The following SHPRH variants were observed in gnomAD, a reference collection of about 807,000 sequenced individuals.
SHPRH encodes the protein E3 ubiquitin-protein ligase SHPRH.
Under a neutral mutation model 202.5 loss-of-function variants are expected in SHPRH, and 106 were observed. That is an observed-to-expected ratio of 0.52 (90% CI 0.45 to 0.62). SHPRH has a LOEUF of 0.62. Among genes scored for constraint, SHPRH ranks in the 20% least tolerant of loss-of-function variants. The pLI is 0.00. For missense variants in SHPRH, 1,710 were observed against 2,020.0 expected, an observed-to-expected ratio of 0.85 and a Z score of 2.94; for synonymous variants, 729 against 686.0, an observed-to-expected ratio of 1.06 and a Z score of -0.98.
the SHPRH span, among the ~76,000 whole-genome samples, chr6:145,858,674 T>A: frequency 6.6e-6 from 1 of 152,044 alleles, no homozygotes; most frequent in Non-Finnish European, 1.5e-5. Flanking sequence ...TCAAAACTTA[T>A]CAAATTTAAC....
intron 1 of SHPRH, 118 bp from the exon 2 acceptor site, chr6:145,955,472 T>A: frequency 9.9e-7 from 1 of 1,013,384 alleles, no homozygotes; most frequent in Non-Finnish European, 1.4e-6. Context: ...AAATCTTCTG[T>A]GAGATATAAG....
At position 145,893,408 on chromosome 6, in the gene SHPRH, T is replaced by C. The variant is rs776319033; in HGVS notation, c.4696-15A>G. 2.6e-6 allele frequency: 4 copies of C among 1,565,950 alleles called. No homozygotes were observed. The highest frequency in any genetic ancestry group is 2.0e-5 in the Admixed American group (1 of 48,814). The stretch of plus-strand genomic sequence containing the variant: ...GAAAGGTTCTCCTAAAAAAGAAAGG[T>C]ACATTTTAATTTTAGCTCGATCAGT... On this transcript the variant is annotated splice_polypyrimidine_tract_variant and intron_variant, in intron 27 of 29. Transcript: ENST00000275233.
chr6:145,954,822 C>T lies in SHPRH; in HGVS notation c.501G>A (p.Pro167=), dbSNP rs368187774. 1.9e-5 allele frequency: 30 copies of T among 1,613,658 alleles called. 1 individual carries two copies. In the South Asian group the frequency reaches 2.3e-4, roughly 12 times the overall value. The part of the protein sequence containing the change: ...GEDVEKQKKE[P]MSICDKGILV... Reference sequence around the variant, plus strand: ...GAATACCCTTGTCACAAATACTCATCGGTTCTTTTTTTTGTTTCTCTACAT... The same window carrying T: ...GAATACCCTTGTCACAAATACTCATTGGTTCTTTTTTTTGTTTCTCTACAT... The change falls in exon 2 of 30, where the codon CCG becomes CCA. Residue 167 remains proline (P), a synonymous_variant. Transcript: ENST00000275233.
In SHPRH at chr6:145,947,532, A is replaced by T; in HGVS notation, c.1173T>A (p.Thr391=). 1 of 1,612,946 alleles carries T rather than the reference A, an allele frequency of 6.2e-7. No individual in the cohort carries two copies. Among genetic ancestry groups the T allele is most frequent in the Non-Finnish European group, 8.5e-7 (1 of 1,179,306 alleles). ...VEVLALILTH[T]RQDVKQDALT... ...GAGCATCTTGCTTGACATCTTGTCG[A>T]GTATGTGTCAGAATCAGAGCCAAAA... Residue 391 remains threonine, a synonymous_variant, in exon 6 of 30, where the codon ACT becomes ACA. Coordinates refer to ENST00000275233, the MANE Select transcript of SHPRH (RefSeq NM_001042683.3).
chr6:145,960,728 A>G (rs1001280705), intron 1 of SHPRH, among the ~76,000 whole-genome samples: 1 of 152,220 alleles, frequency 6.6e-6, no homozygotes, highest in African/African-American at 2.4e-5. Context: ...GTACAACAGC[A>G]GTACTAGAAA....
Position 145,943,190 on chromosome 6 carries a change from C to A in SHPRH, c.2191G>T (p.Val731Leu), listed in dbSNP as rs1437091053. The change falls in exon 9 of 30, where the codon GTG becomes TTG. Residue 731 changes from valine (V) to leucine (L), a missense_variant. Transcript: ENST00000275233. ...CTCACATGCCTGTTGATCTCATCCA[C>A]CCACTGGTGACAGATGGAACTTGGA... ...ISPSSICHQW[V>L]DEINRHVRSS... The A allele has an allele frequency of 2.5e-6, 4 of 1,612,848 alleles. No homozygotes were observed. The highest frequency in any genetic ancestry group is 3.4e-6 in the Non-Finnish European group (4 of 1,179,340).
At chr6:145,921,526 C>A (rs1784427148) in intron 20 of SHPRH, 134 bp from the exon 21 acceptor site, 7 of 795,836 alleles carry the variant, frequency 8.8e-6, no homozygotes, top group South Asian at 3.9e-5. Context: ...CTGAAAACAT[C>A]ATAAATTTGG....
chr6:145,876,375 T>TA (rs1053436546), intron 2 of SHPRH, among the ~76,000 whole-genome samples: 1 of 151,938 alleles, frequency 6.6e-6, no homozygotes, highest in Non-Finnish European at 1.5e-5. Flanking sequence ...ACCCATCCTC[T>TA]AAAAAAAATA....
chr6:145,923,632 T>G lies in SHPRH; in HGVS notation c.3545+11A>C, dbSNP rs887584954. 3 of 1,609,634 alleles carry G rather than the reference T, an allele frequency of 1.9e-6. No homozygotes were observed. The highest frequency in any genetic ancestry group is 2.5e-6 in the Non-Finnish European group (3 of 1,177,838). On this transcript the variant is annotated intron_variant, in intron 18 of 29. Transcript: ENST00000275233. ...ATTATGAGTAGATACTTTTTCTTCCTGTTTTCTTACTTCTCTGACATAGAA... is the reference window on the plus strand; with the variant it reads ...ATTATGAGTAGATACTTTTTCTTCCGGTTTTCTTACTTCTCTGACATAGAA...
intron 2 of SHPRH, among the ~76,000 whole-genome samples, chr6:145,867,631 T>TATATATATATATATATATATAGAG (rs1554220329): frequency 4.5e-5 from 1 of 22,318 alleles, no homozygotes; most frequent in Non-Finnish European, 7.5e-5. Context: ...TATATATATA[T>TATATATATATATATATATATAGAG]AGAGAGAGAG....
At chr6:145,863,978 A>G (rs369882723), downstream of SHPRH, among the ~76,000 whole-genome samples, 1 of 152,234 alleles carries the variant, frequency 6.6e-6, no homozygotes, top group African/African-American at 2.4e-5. Flanking sequence ...CATATCTATT[A>G]TTTATCCACA....
intron 25 of SHPRH, chr6:145,910,244 G>A (rs530951056): frequency 3.7e-6 from 2 of 543,632 alleles, no homozygotes; most frequent in African/African-American, 3.7e-5. Flanking sequence ...CGCTAACCAT[G>A]TTTGAATAAG....
chr6:145,865,947 G>T (rs1485811540), intron 2 of SHPRH, among the ~76,000 whole-genome samples: 1 of 152,220 alleles, frequency 6.6e-6, no homozygotes. Context: ...TTTGGTGTCA[G>T]AAAGTCTGAG....
chr6:145,908,835 C>T (rs1460991531), intron 25 of SHPRH: 4 of 152,062 alleles, frequency 2.6e-5, no homozygotes, highest in African/African-American at 9.7e-5. Flanking sequence ...ATGCCTACGT[C>T]CTGAATGGTA....
intron 16 of SHPRH, among the ~76,000 whole-genome samples, chr6:145,925,351 C>CACACACACACACACACACACAA (rs1473089966): frequency 6.6e-6 from 1 of 150,872 alleles, no homozygotes; most frequent in African/African-American, 2.4e-5. Context: ...TACACACACA[C>CACACACACACACACACACACAA]ACACACACAC....
At chr6:145,873,922 G>C (rs1213356918) in intron 2 of SHPRH, among the ~76,000 whole-genome samples, 2 of 151,900 alleles carry the variant, frequency 1.3e-5, no homozygotes, top group Non-Finnish European at 1.5e-5. Context: ...GGGCAGGCTG[G>C]GCACAGTGGC....
At chr6:145,940,157 T>G (rs1468171358) in intron 11 of SHPRH, among the ~76,000 whole-genome samples, 2 of 152,094 alleles carry the variant, frequency 1.3e-5, no homozygotes, top group Non-Finnish European at 2.9e-5. Flanking sequence ...AGGAAAAAAC[T>G]AGACACAATC....
intron 2 of SHPRH, chr6:145,870,952 A>C (rs535845197): frequency 1.3e-5 from 2 of 152,354 alleles, no homozygotes; most frequent in Admixed American, 1.3e-4. Flanking sequence ...ATGTACAAAA[A>C]CCACAAGATT....
intron 27 of SHPRH, among the ~76,000 whole-genome samples, 180 bp downstream of exon 27, chr6:145,893,970 A>G (rs1398815224): frequency 6.6e-6 from 1 of 152,030 alleles, no homozygotes; most frequent in African/African-American, 2.4e-5. Flanking sequence ...TGGTCTTGTT[A>G]TATACTGAAA....
Sources: gnomAD v4.1 joint callset for allele counts (sites outside exome capture counted in the v4.1 genomes callset) on GRCh38, gnomAD v4.1.1 for gene constraint, MANE v1.5 for transcripts, NCBI Gene and HGNC (gene_info 2026-07-23, HGNC 2026-07-21) for gene names.